ERBB4: variants seen among roughly 807,000 people sequenced by gnomAD.
ERBB4 encodes erb-b2 receptor tyrosine kinase 4, also known as receptor tyrosine-protein kinase erbB-4.
In ERBB4, 42 loss-of-function variants were observed where a neutral mutation model predicts 158.0. The observed-to-expected ratio is 0.27, with a 90% CI of 0.21 to 0.34. The LOEUF (loss-of-function observed/expected upper bound fraction) is 0.34. Among genes scored for constraint, ERBB4 ranks in the 10% least tolerant of loss-of-function variants. The pLI is 1.00. For missense variants in ERBB4, 1,333 were observed against 1,624.1 expected (o/e 0.82, Z 3.08); for synonymous variants, 583 against 558.7 (o/e 1.04, Z -0.61).
intron 20 of ERBB4, among the ~76,000 whole-genome samples, chr2:211,440,080 AAT>A (rs1287867524): frequency 6.6e-6 from 1 of 152,180 alleles, no homozygotes; most frequent in African/African-American, 2.4e-5. Flanking sequence ...CAAAAAAGCA[AAT>A]TAAACAGCAT....
At chr2:211,841,527 C>A (rs1188823370) in intron 3 of ERBB4, among the ~76,000 whole-genome samples, 1 of 151,742 alleles carries the variant, frequency 6.6e-6, no homozygotes. Flanking sequence ...TAAAATGTGG[C>A]ATTAAGGTAA....
At chr2:212,376,283 A>G (rs1166988937) in intron 1 of ERBB4, among the ~76,000 whole-genome samples, 1 of 152,088 alleles carries the variant, frequency 6.6e-6, no homozygotes, top group Non-Finnish European at 1.5e-5. Flanking sequence ...AGCACATTCA[A>G]TGCAATGGCT....
chr2:211,951,728 T>C (rs1008451057), intron 2 of ERBB4, among the ~76,000 whole-genome samples: 2 of 152,114 alleles, frequency 1.3e-5, no homozygotes, highest in Non-Finnish European at 2.9e-5. Flanking sequence ...GGTTCTAGTG[T>C]CCAAAATAAG....
At chr2:212,363,107 T>C (rs1028763561) in intron 1 of ERBB4, among the ~76,000 whole-genome samples, 2 of 151,450 alleles carry the variant, frequency 1.3e-5, no homozygotes, top group African/African-American at 4.8e-5. Context: ...GATTCCTATT[T>C]ACATGATGTA....
At chr2:212,203,267 C>T (rs1217824193) in intron 1 of ERBB4, among the ~76,000 whole-genome samples, 4 of 151,916 alleles carry the variant, frequency 2.6e-5, no homozygotes, top group Non-Finnish European at 5.9e-5. Flanking sequence ...AACCTAAAAC[C>T]AGGGAAGAAA....
chr2:212,197,221 A>G (rs2082452715), intron 1 of ERBB4, among the ~76,000 whole-genome samples: 1 of 152,202 alleles, frequency 6.6e-6, no homozygotes, highest in African/African-American at 2.4e-5. Context: ...GGTATTTAGA[A>G]ACATATTCAA....
At chr2:211,773,647 T>TATAA (rs1559506512) in intron 4 of ERBB4, among the ~76,000 whole-genome samples, 1 of 77,434 alleles carries the variant, frequency 1.3e-5, no homozygotes, top group Non-Finnish European at 2.5e-5. Context: ...TATATATATA[T>TATAA]AATATATATA....
intron 2 of ERBB4, among the ~76,000 whole-genome samples, chr2:211,978,363 A>AGTCC (rs2081680281): frequency 7.4e-6 from 1 of 135,174 alleles, no homozygotes; most frequent in South Asian, 2.6e-4. Flanking sequence ...AAGGAGTCTG[A>AGTCC]GTCTGTCTGT....
At chr2:212,338,775 T>C (rs891314927) in intron 1 of ERBB4, among the ~76,000 whole-genome samples, 8 of 152,104 alleles carry the variant, frequency 5.3e-5, no homozygotes, top group African/African-American at 1.9e-4. Context: ...CTTCCCAATT[T>C]TAATAGAATT....
At chr2:211,695,116 A>C (rs192810778) in intron 12 of ERBB4, among the ~76,000 whole-genome samples, 8 of 152,288 alleles carry the variant, frequency 5.3e-5, no homozygotes, top group Admixed American at 5.2e-4. Context: ...AAAAACAAAT[A>C]AAACAATATA....
chr2:211,625,045 A>G (rs899777142), intron 17 of ERBB4, among the ~76,000 whole-genome samples: 5 of 151,856 alleles, frequency 3.3e-5, no homozygotes, highest in Admixed American at 2.0e-4. Context: ...AAGTATGTGC[A>G]TGCGTGCCAA....
chr2:211,737,143 TAAC>T (rs1323464165), intron 5 of ERBB4, among the ~76,000 whole-genome samples: 5 of 152,228 alleles, frequency 3.3e-5, no homozygotes, highest in Admixed American at 3.3e-4. Flanking sequence ...ACTCCAGCAG[TAAC>T]AACCAATGTC....
At chr2:212,285,836 C>G (rs530129675) in intron 1 of ERBB4, among the ~76,000 whole-genome samples, 1 of 152,104 alleles carries the variant, frequency 6.6e-6, no homozygotes, top group Non-Finnish European at 1.5e-5. Context: ...ACTCTAGACT[C>G]TCTAATATTC....
chr2:212,524,936 T>G (rs1692367380), intron 1 of ERBB4, among the ~76,000 whole-genome samples: 1 of 152,004 alleles, frequency 6.6e-6, no homozygotes, highest in East Asian at 1.9e-4. Flanking sequence ...AGAAGAGATA[T>G]GAAGGTCCAT....
At chr2:211,929,073 G>A (rs952351113) in intron 3 of ERBB4, among the ~76,000 whole-genome samples, 1 of 152,110 alleles carries the variant, frequency 6.6e-6, no homozygotes, top group African/African-American at 2.4e-5. Context: ...ATGGGTACAT[G>A]TAATAGCTCT....
At chr2:211,865,016 T>TA (rs1013890088) in intron 3 of ERBB4, among the ~76,000 whole-genome samples, 2 of 151,924 alleles carry the variant, frequency 1.3e-5, no homozygotes, top group South Asian at 4.2e-4. Flanking sequence ...GTCTAAAAAA[T>TA]AAAAAATAAA....
intron 19 of ERBB4, among the ~76,000 whole-genome samples, chr2:211,586,860 C>T (rs1156688572): frequency 6.6e-6 from 1 of 152,112 alleles, no homozygotes; most frequent in East Asian, 1.9e-4. Flanking sequence ...CTCACTTATT[C>T]TTTCCGATAA....
intron 25 of ERBB4, among the ~76,000 whole-genome samples, chr2:211,414,047 T>C (rs1373963235): frequency 6.6e-6 from 1 of 152,040 alleles, no homozygotes; most frequent in African/African-American, 2.4e-5. Flanking sequence ...CAGGCTTCCT[T>C]ATCTGCACAA....
chr2:212,096,255 A>G (rs1427305731), intron 2 of ERBB4, among the ~76,000 whole-genome samples: 2 of 151,192 alleles, frequency 1.3e-5, no homozygotes, highest in Non-Finnish European at 2.9e-5. Context: ...ATAGGTGTTT[A>G]TTAAATCCCA....
Sources: allele counts gnomAD v4.1 joint callset (sites outside exome capture counted in the v4.1 genomes callset), GRCh38; gene constraint gnomAD v4.1.1; transcripts MANE v1.5; gene names NCBI Gene and HGNC (gene_info 2026-07-23, HGNC 2026-07-21).